Variants in LARP1B observed in about 807,000 individuals in gnomAD.
LARP1B encodes La ribonucleoprotein 1B.
LARP1B carries 76 observed loss-of-function variants against 114.2 expected under a neutral mutation model. The observed-to-expected ratio is 0.67, with a 90% CI of 0.55 to 0.81. LARP1B has a LOEUF of 0.81. LARP1B is among the 30% of genes least tolerant of loss of function. LARP1B has a pLI of 0.00. For missense variants in LARP1B, 1,014 were observed against 1,075.8 expected (o/e 0.94, Z 0.80); for synonymous variants, 345 against 348.0 (o/e 0.99, Z 0.10).
intron 12 of LARP1B, among the ~76,000 whole-genome samples, chr4:128,176,181 TATATAA>T (rs1332654293): frequency 7.0e-6 from 1 of 143,436 alleles, no homozygotes; most frequent in Admixed American, 7.2e-5. Context: ...TATATATAAA[TATATAA>T]ATATATTTTT....
intron 9 of LARP1B, 99 bp downstream of exon 9, chr4:128,107,412 G>A (rs1782484620): frequency 1.3e-6 from 2 of 1,528,856 alleles, no homozygotes; most frequent in East Asian, 4.9e-5. Flanking sequence ...GATTTGATAG[G>A]AAAATTAAAG....
At chr4:128,138,525 TAATA>T (rs1038356653) in intron 11 of LARP1B, among the ~76,000 whole-genome samples, 1 of 152,170 alleles carries the variant, frequency 6.6e-6, no homozygotes, top group Non-Finnish European at 1.5e-5. Flanking sequence ...ATAGAGCTAA[TAATA>T]AGTCAAATAT....
At chr4:128,108,024 A>C (rs1055208778) in intron 9 of LARP1B, 1 of 1,513,310 alleles carries the variant, frequency 6.6e-7, no homozygotes, top group Admixed American at 2.1e-5. Flanking sequence ...CTTCTGTTCA[A>C]GAATGTCTAT....
In LARP1B at chr4:128,107,611, G is replaced by A. The variant is rs906692338; in HGVS notation, c.988+298G>A. ...TACTAAATAACTATAGATATGTATC[G>A]TTTTCCCCTGTAAAATTGGAATAGT... On this transcript the variant is annotated intron_variant, in intron 9 of 19. Coordinates refer to ENST00000326639, the MANE Select transcript of LARP1B (RefSeq NM_018078.4). 15 of 1,391,274 alleles carry A rather than the reference G, an allele frequency of 1.1e-5. No homozygotes were observed. The South Asian group carries it at 1.5e-4, about 14-fold the overall frequency. The allele number at this position is 1,391,274 out of a possible 1,614,324, so 86.2% of individuals were successfully genotyped here.
intron 8 of LARP1B, among the ~76,000 whole-genome samples, chr4:128,103,809 G>C (rs1201539236): frequency 6.6e-6 from 1 of 151,874 alleles, no homozygotes; most frequent in Non-Finnish European, 1.5e-5. Context: ...TGATCCGCCC[G>C]TCTCGGCCTC....
At chr4:128,203,310 A>C in intron 17 of LARP1B, among the ~76,000 whole-genome samples, 1 of 151,488 alleles carries the variant, frequency 6.6e-6, no homozygotes, top group African/African-American at 2.4e-5. Flanking sequence ...TTGACAAATG[A>C]TTCCCTCTCT....
In LARP1B at chr4:128,122,459, G is replaced by GTTTTTT. The variant is rs758240640; in HGVS notation, c.1524+275_1524+280dup. On this transcript the variant is annotated intron_variant, in intron 11 of 19. Transcript: ENST00000326639. ...CCTTGTTTTTTTTTTTTTTTGTTTT[G>GTTTTTT]TTTTTTTTTGTTTTTGTTTTAGGTG... 5.5e-6 allele frequency: 8 copies of GTTTTTT among 1,466,846 alleles called. No homozygotes were observed. The African/African-American group carries it at 6.2e-5, about 11-fold the overall frequency. 90.9% of individuals were successfully genotyped at this position (1,466,846 alleles called of 1,614,324 possible). A position where few individuals can be genotyped will look rare whatever the true frequency, so the allele number is the denominator to read the frequency against.
intron 7 of LARP1B, among the ~76,000 whole-genome samples, chr4:128,097,520 T>A (rs1778514716): frequency 6.6e-6 from 1 of 151,966 alleles, no homozygotes; most frequent in South Asian, 2.1e-4. Context: ...TTGGTCAGGC[T>A]GATCTTGAAC....
intron 7 of LARP1B, among the ~76,000 whole-genome samples, chr4:128,097,096 C>G (rs1778336645): frequency 1.3e-5 from 2 of 151,674 alleles, no homozygotes; most frequent in African/African-American, 4.8e-5. Context: ...TGGGGTTTCC[C>G]CATATTGGTT....
chr4:128,148,297 G>C (rs1938066816), intron 11 of LARP1B, among the ~76,000 whole-genome samples: 1 of 152,032 alleles, frequency 6.6e-6, no homozygotes, highest in South Asian at 2.1e-4. Flanking sequence ...TGGGCGTGGT[G>C]GTGGGCGCCT....
intron 1 of LARP1B, among the ~76,000 whole-genome samples, chr4:128,072,488 C>T (rs1252585482): frequency 6.6e-6 from 1 of 152,108 alleles, no homozygotes; most frequent in East Asian, 1.9e-4. Flanking sequence ...ATGATTTCCT[C>T]CATGTTAAAA....
intron 17 of LARP1B, among the ~76,000 whole-genome samples, chr4:128,202,590 A>G (rs2150908928): frequency 6.6e-6 from 1 of 152,248 alleles, no homozygotes; most frequent in South Asian, 2.1e-4. Context: ...TTTGCTATTT[A>G]TGCAATTTCT....
At chr4:128,095,880 C>G (rs908263437) in intron 7 of LARP1B, among the ~76,000 whole-genome samples, 2 of 152,020 alleles carry the variant, frequency 1.3e-5, no homozygotes, top group African/African-American at 2.4e-5. Context: ...TAGGCCCCAT[C>G]ATCATTGATG....
chr4:128,210,196 A>T lies in LARP1B; in HGVS notation c.*143A>T. On this transcript the variant is annotated 3_prime_UTR_variant, in exon 20 of 20. Transcript: ENST00000326639. ...TCTTCTGGTGTTTAATTGTGATAAT[A>T]AGAAAGAAGAAAAAGAAAGAAAAGT... 1 of 1,450,606 alleles carries T rather than the reference A, an allele frequency of 6.9e-7. No individual in the cohort carries two copies. The allele number at this position is 1,450,606 out of a possible 1,614,324, so 89.9% of individuals were successfully genotyped here.
chr4:128,178,725 T>C (rs571051052), intron 14 of LARP1B, 83 bp downstream of exon 14: 2 of 943,508 alleles, frequency 2.1e-6, no homozygotes, highest in South Asian at 3.0e-5. Flanking sequence ...TTCTATCACA[T>C]TGAAAAATGT....
intron 11 of LARP1B, among the ~76,000 whole-genome samples, chr4:128,124,252 A>G (rs1244128181): frequency 6.6e-6 from 1 of 152,180 alleles, no homozygotes; most frequent in East Asian, 1.9e-4. Flanking sequence ...TTAATCACAA[A>G]TTACAATAAA....
intron 1 of LARP1B, among the ~76,000 whole-genome samples, chr4:128,070,292 C>G (rs1764719324): frequency 6.6e-6 from 1 of 151,484 alleles, no homozygotes; most frequent in Admixed American, 6.6e-5. Flanking sequence ...TGCACTCCAG[C>G]CTGGGTGACA....
chr4:128,139,573 G>A lies in LARP1B; in HGVS notation c.1524+17385G>A, dbSNP rs569104471. Among the ~76,000 whole-genome samples the A allele has an allele frequency of 1.2e-4, 16 of 129,574 alleles. 1 individual carries two copies. The highest frequency in any genetic ancestry group is 4.2e-4 in the African/African-American group (16 of 37,890). 85.0% of individuals were successfully genotyped at this position (129,574 alleles called of 152,430 possible). On this transcript the variant is annotated intron_variant, in intron 11 of 19. Transcript: ENST00000326639. ...GTAGATTTACTAAATGCTTGTAACT[G>A]TATAACTGTTAAAAAAAAAAACAAA...
intron 5 of LARP1B, among the ~76,000 whole-genome samples, chr4:128,083,440 A>C: frequency 7.5e-6 from 1 of 133,518 alleles, no homozygotes; most frequent in East Asian, 2.5e-4. Flanking sequence ...CTGGCCGGGC[A>C]GGGGGCTGAC....
Sources: gnomAD v4.1 joint callset for allele counts (sites outside exome capture counted in the v4.1 genomes callset) on GRCh38, gnomAD v4.1.1 for gene constraint, MANE v1.5 for transcripts, NCBI Gene and HGNC (gene_info 2026-07-23, HGNC 2026-07-21) for gene names.